Variants in SKI observed in about 807,000 individuals in gnomAD.
The protein encoded by SKI is SKI proto-oncogene, also known as ski oncogene.
Under a neutral mutation model 59.3 loss-of-function variants are expected in SKI, and 23 were observed. The ratio of observed to expected loss-of-function variants is 0.39; its 90% CI spans 0.28 to 0.55. The LOEUF (loss-of-function observed/expected upper bound fraction) is 0.55. SKI is among the 20% of genes least tolerant of loss of function. The pLI is 0.67. For synonymous variants in SKI, 673 were observed against 488.6 expected (o/e 1.38, Z -4.98); for missense variants, 1,017 against 1,038.9 (o/e 0.98, Z 0.29).
At chr1:2,230,840 T>G (rs1012695762) in intron 1 of SKI, among the ~76,000 whole-genome samples, 3 of 152,190 alleles carry the variant, frequency 2.0e-5, no homozygotes, top group African/African-American at 7.2e-5. Context: ...AATCTGTGAA[T>G]AGATGCTCCA....
In SKI at chr1:2,306,103, G is replaced by A. The variant is rs146789646; in HGVS notation, c.1851G>A (p.Glu617=). 1.4e-4 allele frequency: 229 copies of A among 1,600,152 alleles called. 1 individual carries two copies. The African/African-American group carries it at 2.9e-3, about 20-fold the overall frequency. Residue 617 remains glutamate, a synonymous_variant, in exon 6 of 7, where the codon GAG becomes GAA. Coordinates refer to ENST00000378536, the MANE Select transcript of SKI (RefSeq NM_003036.4). ...EAKRNLRKEI[E]RLRAENEKKM... ...AGCGTAACCTGCGGAAGGAGATCGA[G>A]CGTCTCCGCGCCGAGAACGAGAAGA...
At chr1:2,305,400 C>T (rs1240267239) in intron 5 of SKI, among the ~76,000 whole-genome samples, 1 of 152,192 alleles carries the variant, frequency 6.6e-6, no homozygotes, top group Non-Finnish European at 1.5e-5. Flanking sequence ...ACAACCCCGT[C>T]GGCCCTCAGA....
At chr1:2,253,089 C>T (rs564280227) in intron 1 of SKI, among the ~76,000 whole-genome samples, 1 of 119,580 alleles carries the variant, frequency 8.4e-6, no homozygotes, top group South Asian at 3.2e-4. Flanking sequence ...GAGTGAGACC[C>T]TGTCTGAAAA....
rs1380523535 is a variant in SKI, at chr1:2,306,043, C to G, written c.1791C>G (p.Ala597=). 2 of 1,593,312 alleles carry G rather than the reference C, an allele frequency of 1.3e-6. No homozygotes were observed. Among genetic ancestry groups the G allele is most frequent in the Admixed American group, 3.6e-5 (2 of 56,136 alleles). The change falls in exon 6 of 7, where the codon GCC becomes GCG. Residue 597 remains alanine, a synonymous_variant. Transcript: ENST00000378536. ...LHQELEFLRV[A]KKEKLREATE... ...AGGAGCTGGAGTTCCTACGCGTGGC[C>G]AAGAAGGAGAAGCTGCGGGAGGCCA...
At position 2,303,435 on chromosome 1, in the gene SKI, C is replaced by CG. The variant is rs143561187; in HGVS notation, c.1211+40dup. On this transcript the variant is annotated intron_variant, in intron 3 of 6. Transcript: ENST00000378536. This position sits in a 1 kb window ranked among gnomAD's most constrained non-coding sequence, Gnocchi z 5.6. ...CGCCATTCACAGGTGTTTCTGATCACGGGGGAGGCTCCACGAGGGCTGTGC... is the reference window on the plus strand; with the variant it reads ...CGCCATTCACAGGTGTTTCTGATCACGGGGGGAGGCTCCACGAGGGCTGTGC... 107 of 1,566,186 alleles carry CG rather than the reference C, an allele frequency of 6.8e-5. No homozygotes were observed. The highest frequency in any genetic ancestry group is 8.9e-5 in the Non-Finnish European group (102 of 1,140,330).
At chr1:2,236,126 T>A (rs1638745600) in intron 1 of SKI, among the ~76,000 whole-genome samples, 1 of 152,160 alleles carries the variant, frequency 6.6e-6, no homozygotes, top group African/African-American at 2.4e-5. Flanking sequence ...TAGGCCTGCC[T>A]CTTGGGCTGG....
chr1:2,301,177 C>T (rs950053337), intron 1 of SKI, among the ~76,000 whole-genome samples: 1 of 152,216 alleles, frequency 6.6e-6, no homozygotes, highest in Non-Finnish European at 1.5e-5. Context: ...CGCATGATTC[C>T]GGAAGGGGCT....
At chr1:2,292,265 C>T in intron 1 of SKI, among the ~76,000 whole-genome samples, 1 of 152,190 alleles carries the variant, frequency 6.6e-6, no homozygotes, top group Non-Finnish European at 1.5e-5. Context: ...CACAGCCCAC[C>T]TTGGGCTTTT....
Position 2,307,304 on chromosome 1 carries a change from C to T in SKI, c.*539C>T, listed in dbSNP as rs1028190238. The T allele has an allele frequency of 2.6e-5, 4 of 152,718 alleles. 1 individual carries two copies. The highest frequency in any genetic ancestry group is 9.6e-5 in the African/African-American group (4 of 41,534). The allele number at this position is 152,718 out of a possible 1,614,324, so 9.5% of individuals were successfully genotyped here. A position where few individuals can be genotyped will look rare whatever the true frequency, so the allele number is the denominator to read the frequency against. ...AGCGACAAGGACCCAGGTCTTCCTGCTGCTGCCAGGGAGAGCAGGGACAGT... is the reference window on the plus strand; with the variant it reads ...AGCGACAAGGACCCAGGTCTTCCTGTTGCTGCCAGGGAGAGCAGGGACAGT... On this transcript the variant is annotated 3_prime_UTR_variant, in exon 7 of 7. Transcript: ENST00000378536.
At chr1:2,265,465 A>T (rs1176133065) in intron 1 of SKI, among the ~76,000 whole-genome samples, 1 of 152,136 alleles carries the variant, frequency 6.6e-6, no homozygotes, top group South Asian at 2.1e-4. Context: ...GGACTATATT[A>T]TATCTTTCGT....
intron 1 of SKI, among the ~76,000 whole-genome samples, chr1:2,272,623 A>G (rs994555647): frequency 2.0e-5 from 3 of 152,200 alleles, no homozygotes; most frequent in Admixed American, 6.5e-5. Context: ...TTGCATTGTA[A>G]TTGATTGCCA....
At chr1:2,251,459 G>A (rs1455856610) in intron 1 of SKI, among the ~76,000 whole-genome samples, 3 of 152,028 alleles carry the variant, frequency 2.0e-5, no homozygotes, top group African/African-American at 7.3e-5. Flanking sequence ...TTTCAGAGCC[G>A]GCAGGGTTTT....
chr1:2,301,170 A>G (rs917502322), intron 1 of SKI, among the ~76,000 whole-genome samples: 5 of 152,098 alleles, frequency 3.3e-5, no homozygotes, highest in African/African-American at 1.2e-4. Context: ...GAGGGTCCGC[A>G]TGATTCCGGA....
Position 2,286,596 on chromosome 1 carries a change from G to A in SKI, c.970-16382G>A, listed in dbSNP as rs1268826217. ...ACCCCAAATATAATAATTAAAGTGCGTGTGCATTTTATTCTTACCACATCA... is the reference window on the plus strand; with the variant it reads ...ACCCCAAATATAATAATTAAAGTGCATGTGCATTTTATTCTTACCACATCA... On this transcript the variant is annotated intron_variant, in intron 1 of 6. Coordinates refer to ENST00000378536, the MANE Select transcript of SKI (RefSeq NM_003036.4). Among the ~76,000 whole-genome samples, 6 of 152,354 alleles carry A rather than the reference G, an allele frequency of 3.9e-5. No individual in the cohort carries two copies. The East Asian group carries it at 1.2e-3, about 29-fold the overall frequency.
chr1:2,253,573 T>G (rs1639210721), intron 1 of SKI, among the ~76,000 whole-genome samples: 1 of 152,236 alleles, frequency 6.6e-6, no homozygotes, highest in Non-Finnish European at 1.5e-5. Context: ...AGGGGGCTGC[T>G]GGCCTCTGCC....
chr1:2,257,032 C>G (rs570789892), intron 1 of SKI, among the ~76,000 whole-genome samples: 1 of 152,346 alleles, frequency 6.6e-6, no homozygotes, highest in African/African-American at 2.4e-5. Flanking sequence ...CCTTGTGGCT[C>G]AGGATTACTC....
At chr1:2,254,821 G>A (rs1639239254) in intron 1 of SKI, among the ~76,000 whole-genome samples, 1 of 152,362 alleles carries the variant, frequency 6.6e-6, no homozygotes, top group Non-Finnish European at 1.5e-5. Context: ...CAGCCCCCCT[G>A]CTGCACACCT....
chr1:2,299,713 C>T (rs1304846087), intron 1 of SKI, among the ~76,000 whole-genome samples: 1 of 152,178 alleles, frequency 6.6e-6, no homozygotes, highest in Non-Finnish European at 1.5e-5. Context: ...GACTCCCTTT[C>T]CTTATTGCAG....
intron 1 of SKI, 29 bp from the exon 2 acceptor site, chr1:2,302,949 G>A (rs769733007): frequency 6.2e-7 from 1 of 1,613,274 alleles, no homozygotes; most frequent in Non-Finnish European, 8.5e-7. Context: ...GGAACCACAG[G>A]TGCCAACAAA....
Sources: gnomAD v4.1 joint callset for allele counts (sites outside exome capture counted in the v4.1 genomes callset) on GRCh38, gnomAD v4.1.1 for gene constraint, Gnocchi (gnomAD v3.1) non-coding constraint, MANE v1.5 for transcripts, NCBI Gene and HGNC (gene_info 2026-07-23, HGNC 2026-07-21) for gene names.